The following SGCZ variants were observed in gnomAD, a reference collection of about 807,000 sequenced individuals.
The protein encoded by SGCZ is sarcoglycan zeta.
A neutral mutation model predicts 41.3 loss-of-function variants in SGCZ; 40 were observed. That is an observed-to-expected ratio of 0.97 (90% CI 0.75 to 1.26). The LOEUF (loss-of-function observed/expected upper bound fraction) is 1.26. SGCZ is among the 50% of genes most tolerant of loss of function. The pLI, the probability that SGCZ is intolerant of heterozygous loss-of-function variation, is 0.00. For synonymous variants in SGCZ, 206 were observed against 137.5 expected (o/e 1.50, Z -3.49); for missense variants, 552 against 369.8 (o/e 1.49, Z -4.04).
At chr8:14,758,867 G>T (rs1027203484) in intron 1 of SGCZ, among the ~76,000 whole-genome samples, 5 of 152,098 alleles carry the variant, frequency 3.3e-5, no homozygotes, top group African/African-American at 1.2e-4. Flanking sequence ...AATTAACTGG[G>T]TGTAGCATTA....
At chr8:14,603,095 G>C (rs1163371012) in intron 1 of SGCZ, among the ~76,000 whole-genome samples, 1 of 152,316 alleles carries the variant, frequency 6.6e-6, no homozygotes, top group East Asian at 1.9e-4. Context: ...AACCCATTGT[G>C]AAGGAGCTAG....
intron 2 of SGCZ, among the ~76,000 whole-genome samples, chr8:14,391,774 T>C (rs1804784500): frequency 6.6e-6 from 1 of 152,150 alleles, no homozygotes; most frequent in Non-Finnish European, 1.5e-5. Context: ...AGCAATTTAA[T>C]TGGCTCACAT....
intron 1 of SGCZ, among the ~76,000 whole-genome samples, chr8:14,763,382 T>C (rs1799948296): frequency 6.6e-6 from 1 of 152,126 alleles, no homozygotes; most frequent in South Asian, 2.1e-4. Flanking sequence ...ATCTCTCACA[T>C]CTGCTCACTT....
At chr8:14,496,240 A>AT (rs59126434) in intron 2 of SGCZ, among the ~76,000 whole-genome samples, 1 of 151,366 alleles carries the variant, frequency 6.6e-6, no homozygotes, top group Non-Finnish European at 1.5e-5. Context: ...TAATTTTTAA[A>AT]TTTTTTTTTG....
At chr8:14,375,634 T>C in intron 2 of SGCZ, among the ~76,000 whole-genome samples, 1 of 152,206 alleles carries the variant, frequency 6.6e-6, no homozygotes, top group South Asian at 2.1e-4. Context: ...CCTGGATTTA[T>C]GGCTGAAACA....
At chr8:14,292,613 C>A (rs939405163) in intron 3 of SGCZ, among the ~76,000 whole-genome samples, 4 of 151,992 alleles carry the variant, frequency 2.6e-5, no homozygotes, top group Non-Finnish European at 5.9e-5. Flanking sequence ...CTACCTATGA[C>A]AATATGGCCT....
intron 1 of SGCZ, among the ~76,000 whole-genome samples, chr8:14,958,655 C>T (rs185603535): frequency 6.6e-6 from 1 of 152,068 alleles, no homozygotes; most frequent in African/African-American, 2.4e-5. Flanking sequence ...TAGTTGTGTG[C>T]ATTTGCACAA....
chr8:14,279,964 C>G (rs78255114), intron 3 of SGCZ, among the ~76,000 whole-genome samples: 1 of 151,816 alleles, frequency 6.6e-6, no homozygotes, highest in Non-Finnish European at 1.5e-5. Context: ...AAACAGAAAA[C>G]TTACTCAGCT....
At chr8:15,199,574 A>G (rs530804214) in intron 1 of SGCZ, among the ~76,000 whole-genome samples, 1 of 152,294 alleles carries the variant, frequency 6.6e-6, no homozygotes, top group Non-Finnish European at 1.5e-5. Context: ...TATGGCGTCC[A>G]TTTACGGTTA....
At chr8:14,430,492 G>C (rs1012279527) in intron 2 of SGCZ, among the ~76,000 whole-genome samples, 1 of 152,090 alleles carries the variant, frequency 6.6e-6, no homozygotes, top group Non-Finnish European at 1.5e-5. Flanking sequence ...ACAAAATCCA[G>C]CAAACTTTAT....
intron 2 of SGCZ, among the ~76,000 whole-genome samples, chr8:14,431,081 G>T (rs1000460866): frequency 2.6e-5 from 4 of 152,174 alleles, no homozygotes; most frequent in Non-Finnish European, 5.9e-5. Context: ...TCATGGATGA[G>T]TAGAATCAAT....
At chr8:14,737,595 A>T (rs1799077749) in intron 1 of SGCZ, among the ~76,000 whole-genome samples, 1 of 152,110 alleles carries the variant, frequency 6.6e-6, no homozygotes, top group Admixed American at 6.6e-5. Context: ...AGAGGCTGGA[A>T]GTCTAAGATC....
At chr8:14,976,002 A>T (rs1244362186) in intron 1 of SGCZ, among the ~76,000 whole-genome samples, 1 of 34,700 alleles carries the variant, frequency 2.9e-5, no homozygotes, top group Non-Finnish European at 1.1e-4. Context: ...ATATATATAC[A>T]TATATATATA....
At chr8:15,030,565 A>G (rs918093480) in intron 1 of SGCZ, among the ~76,000 whole-genome samples, 1 of 152,176 alleles carries the variant, frequency 6.6e-6, no homozygotes, top group Non-Finnish European at 1.5e-5. Context: ...AAATGCAGAA[A>G]AAAAATGTTC....
At chr8:14,102,088 A>ATG (rs1802042503) in intron 7 of SGCZ, among the ~76,000 whole-genome samples, 2 of 99,586 alleles carry the variant, frequency 2.0e-5, no homozygotes, top group Non-Finnish European at 3.8e-5. Flanking sequence ...ATATATATAT[A>ATG]TATATATATA....
At chr8:14,404,890 G>A (rs779252457) in intron 2 of SGCZ, among the ~76,000 whole-genome samples, 2 of 152,170 alleles carry the variant, frequency 1.3e-5, no homozygotes, top group Admixed American at 1.3e-4. Flanking sequence ...AGGAGTGGGA[G>A]AGTCGATCTA....
At chr8:15,237,285 C>T (rs1456481198) in intron 1 of SGCZ, among the ~76,000 whole-genome samples, 1 of 152,054 alleles carries the variant, frequency 6.6e-6, no homozygotes, top group Non-Finnish European at 1.5e-5. Context: ...GCAAGAGGCG[C>T]AGGGTCTGCA....
intron 1 of SGCZ, among the ~76,000 whole-genome samples, chr8:15,174,513 T>C (rs918496723): frequency 6.6e-6 from 1 of 152,196 alleles, no homozygotes; most frequent in Non-Finnish European, 1.5e-5. Context: ...AAAAGTATAC[T>C]TTATGTAATA....
intron 2 of SGCZ, among the ~76,000 whole-genome samples, chr8:14,457,379 C>G (rs762849062): frequency 4.6e-5 from 7 of 152,168 alleles, no homozygotes; most frequent in Non-Finnish European, 1.0e-4. Context: ...CATGGTCCAG[C>G]GGTAGCAAAA....
Sources: gnomAD v4.1 joint callset for allele counts (sites outside exome capture counted in the v4.1 genomes callset) on GRCh38, gnomAD v4.1.1 for gene constraint, MANE v1.5 for transcripts, NCBI Gene and HGNC (gene_info 2026-07-23, HGNC 2026-07-21) for gene names.